Variants in PRR23E observed in about 807,000 individuals in gnomAD.
PRR23E encodes PRR23 family member E, also known as proline-rich protein 23E.
At chr3:127,194,371 G>A in the PRR23E span, among the ~76,000 whole-genome samples, 3 of 152,166 alleles carry the variant, frequency 2.0e-5, no homozygotes, top group African/African-American at 7.2e-5. Flanking sequence ...AATGTTTTAA[G>A]TTTACGAATT....
At chr3:127,197,275 G>A in the PRR23E span, 1 of 1,599,372 alleles carries the variant, frequency 6.3e-7, no homozygotes, top group Non-Finnish European at 8.5e-7. Context: ...TTCGGTATTT[G>A]GGCACCTTTG....
At chr3:127,197,039 G>C in the PRR23E span, 3 of 1,594,600 alleles carry the variant, frequency 1.9e-6, no homozygotes, top group Non-Finnish European at 2.5e-6. Flanking sequence ...TAGGAAGTCC[G>C]TATCTGGCTG....
chr3:127,197,102 C>T, the PRR23E span: 1 of 1,598,246 alleles, frequency 6.3e-7, no homozygotes, highest in Non-Finnish European at 8.5e-7. Context: ...CCACCTACTC[C>T]TTGGCTTCTC....
At chr3:127,198,164 A>G in the PRR23E span, 2 of 152,168 alleles carry the variant, frequency 1.3e-5, no homozygotes, top group Non-Finnish European at 2.9e-5. Context: ...AAATTTTTAA[A>G]TAAATGATAC....
chr3:127,193,388 G>A, the PRR23E span: 1 of 152,360 alleles, frequency 6.6e-6, no homozygotes, highest in African/African-American at 2.4e-5. Flanking sequence ...CCCAACTCCT[G>A]GCATCTCCCC....
chr3:127,194,490 C>A, the PRR23E span, among the ~76,000 whole-genome samples: 1 of 152,324 alleles, frequency 6.6e-6, no homozygotes, highest in East Asian at 1.9e-4. Context: ...GAAGTACATA[C>A]GATGTAGTGT....
At chr3:127,193,603 A>C in the PRR23E span, among the ~76,000 whole-genome samples, 85 of 152,114 alleles carry the variant, frequency 5.6e-4, 1 homozygote, top group Middle Eastern at 3.2e-3. Context: ...GTGTGGGTAG[A>C]GGCCCAGATT....
the PRR23E span, among the ~76,000 whole-genome samples, chr3:127,194,280 A>G: frequency 1.3e-5 from 2 of 152,128 alleles, no homozygotes; most frequent in African/African-American, 4.8e-5. Flanking sequence ...TGGAAGAAGA[A>G]TTGTCTTGGG....
the PRR23E span, chr3:127,196,887 T>C: frequency 1.3e-6 from 2 of 1,599,354 alleles, no homozygotes; most frequent in Non-Finnish European, 1.7e-6. Flanking sequence ...CATGGGATTT[T>C]CCCCACAAGC....
the PRR23E span, chr3:127,196,733 T>A: frequency 1.0e-3 from 1,635 of 1,594,812 alleles, 15 homozygotes; most frequent in African/African-American, 0.018. Flanking sequence ...AGGTCCGCCG[T>A]GCCTTCGAGG....
chr3:127,198,040 T>G, the PRR23E span: 1 of 152,246 alleles, frequency 6.6e-6, no homozygotes, highest in Admixed American at 6.5e-5. Context: ...TGCTGACTCG[T>G]TCAGAGCGCT....
the PRR23E span, chr3:127,196,797 G>A: frequency 1.6e-5 from 25 of 1,597,976 alleles, no homozygotes; most frequent in Non-Finnish European, 2.0e-5. Flanking sequence ...GGTGGCCATG[G>A]GCTCTGCCTA....
the PRR23E span, chr3:127,197,079 A>G: frequency 1.3e-6 from 2 of 1,597,590 alleles, no homozygotes; most frequent in Non-Finnish European, 1.7e-6. Context: ...TCCTTTCCCC[A>G]TGAAATTCCC....
At chr3:127,196,880 G>A in the PRR23E span, 1 of 1,599,376 alleles carries the variant, frequency 6.3e-7, no homozygotes, top group Non-Finnish European at 8.5e-7. Flanking sequence ...ACTCCTGCAT[G>A]GGATTTTCCC....
the PRR23E span, chr3:127,193,295 A>C: frequency 6.6e-6 from 1 of 152,264 alleles, no homozygotes. Context: ...GAGAAAGAAC[A>C]AAGTTAGCCT....
the PRR23E span, chr3:127,197,536 A>T: frequency 8.0e-6 from 6 of 745,994 alleles, no homozygotes; most frequent in Non-Finnish European, 1.2e-5. Context: ...TCTTCAGTAC[A>T]GAGTACACCT....
the PRR23E span, chr3:127,196,847 C>T: frequency 6.3e-7 from 1 of 1,599,186 alleles, no homozygotes; most frequent in African/African-American, 1.3e-5. Context: ...CTGTAACTGA[C>T]CTGGCCCTCT....
chr3:127,195,905 G>A, the PRR23E span, among the ~76,000 whole-genome samples: 2 of 152,136 alleles, frequency 1.3e-5, no homozygotes, highest in Non-Finnish European at 2.9e-5. Flanking sequence ...TCGTTTTGGG[G>A]AAAAACACCT....
At chr3:127,194,573 A>C in the PRR23E span, among the ~76,000 whole-genome samples, 1 of 152,180 alleles carries the variant, frequency 6.6e-6, no homozygotes, top group African/African-American at 2.4e-5. Context: ...CCTCCTCAGT[A>C]TGGGTAACCT....
Sources: gnomAD v4.1 joint callset for allele counts (sites outside exome capture counted in the v4.1 genomes callset) on GRCh38, gnomAD v4.1.1 for gene constraint, MANE v1.5 for transcripts, NCBI Gene and HGNC (gene_info 2026-07-23, HGNC 2026-07-21) for gene names.